MRPL44: variants seen among roughly 807,000 people sequenced by gnomAD.
MRPL44 encodes large ribosomal subunit protein mL44.
MRPL44 carries 21 observed loss-of-function variants against 25.9 expected under a neutral mutation model. The ratio of observed to expected loss-of-function variants is 0.81; its 90% CI spans 0.58 to 1.17. MRPL44 has a LOEUF of 1.17. Among genes scored for constraint, MRPL44 ranks in the 50% most tolerant of loss-of-function variants. MRPL44 has a pLI of 0.00. For missense variants in MRPL44, 410 were observed against 398.9 expected (o/e 1.03, Z -0.24); for synonymous variants, 169 against 151.0 (o/e 1.12, Z -0.87).
In MRPL44 at chr2:223,963,759, T is replaced by C. The variant is rs1689700822; in HGVS notation, c.652T>C (p.Phe218Leu). The change falls in exon 3 of 4, where the codon TTC (phenylalanine) becomes CTC (leucine). Residue 218 changes from phenylalanine (F) to leucine (L), a missense_variant. Phe to Leu is a conservative substitution (Grantham distance 22). Transcript: ENST00000258383. The part of the protein sequence containing the change: ...PERTALFIRD[F>L]LITQMTGKEL... ...TAAATTATATTTTTATATGCAGGACTTCTTAATTACTCAAATGACTGGAAA... is the reference window on the plus strand; with the variant it reads ...TAAATTATATTTTTATATGCAGGACCTCTTAATTACTCAAATGACTGGAAA... 1 of 1,582,330 alleles carries C rather than the reference T, an allele frequency of 6.3e-7. No individual in the cohort carries two copies. The highest frequency in any genetic ancestry group is 8.6e-7 in the Non-Finnish European group (1 of 1,165,898).
In MRPL44 at chr2:223,959,655, G is replaced by A. The variant is rs746155049; in HGVS notation, c.301G>A (p.Glu101Lys). Residue 101 changes from glutamate (E) to lysine (K), a missense_variant, in exon 2 of 4, where the codon GAG becomes AAG. Physicochemically the swap from Glu to Lys is moderately conservative, Grantham distance 56. Coordinates refer to ENST00000258383, the MANE Select transcript of MRPL44 (RefSeq NM_022915.5). ...TGTTAATAGCTGCTATATTAAAAGT[G>A]AGGAGGCCAAACGCCAACAACTTGG... ...AFVNSCYIKS[E>K]EAKRQQLGIE... The A allele has an allele frequency of 1.2e-6, 2 of 1,614,216 alleles. No individual in the cohort carries two copies. Among genetic ancestry groups the A allele is most frequent in the South Asian group, 2.2e-5 (2 of 91,084 alleles).
In MRPL44 at chr2:223,959,708, T is replaced by C. The variant is rs1574794048; in HGVS notation, c.354T>C (p.Asn118=). The change falls in exon 2 of 4, where the codon AAT becomes AAC. Residue 118 remains asparagine, a synonymous_variant. Transcript: ENST00000258383. ...TAGAGAAAGAAGCTGTTCTTCTGAA[T>C]CTTAAAAGTAATCAAGAACTATCCG... ...LGIEKEAVLL[N]LKSNQELSEQ... The C allele has an allele frequency of 6.2e-7, 1 of 1,614,252 alleles. No individual in the cohort carries two copies. The highest frequency in any genetic ancestry group is 8.5e-7 in the Non-Finnish European group (1 of 1,180,044).
intron 2 of MRPL44, among the ~76,000 whole-genome samples, chr2:223,963,420 A>G (rs979548314): frequency 1.6e-4 from 25 of 151,860 alleles, no homozygotes; most frequent in Admixed American, 6.6e-5. Context: ...CCTCTAGCCT[A>G]GGCAATAGAG....
intron 2 of MRPL44, among the ~76,000 whole-genome samples, chr2:223,962,209 G>T (rs759304290): frequency 1.3e-5 from 2 of 152,070 alleles, no homozygotes; most frequent in Non-Finnish European, 2.9e-5. Flanking sequence ...AATTTTTTCT[G>T]TAGAGCCGTG....
Position 223,967,026 on chromosome 2 carries a change from G to A in MRPL44, c.991G>A (p.Ala331Thr), listed in dbSNP as rs1689752639. Reference protein sequence around the residue: ...ETLRAEKSITAS With the variant: ...ETLRAEKSITTS ...CTTGAGAGCAGAAAAGAGCATCACT[G>A]CCAGCTAGCCGCCATGGATGCAGCA... Residue 331 changes from alanine (A) to threonine (T), a missense_variant, in exon 4 of 4, where the codon GCC (alanine) becomes ACC (threonine). Transcript: ENST00000258383. 1.9e-6 allele frequency: 3 copies of A among 1,608,466 alleles called. No individual in the cohort carries two copies. Among genetic ancestry groups the A allele is most frequent in the Non-Finnish European group, 1.7e-6 (2 of 1,177,132 alleles).
chr2:223,963,222 T>C (rs1037132352), intron 2 of MRPL44, among the ~76,000 whole-genome samples: 1 of 152,024 alleles, frequency 6.6e-6, no homozygotes, highest in African/African-American at 2.4e-5. Context: ...GGCAGGAGGA[T>C]CCTTTGAGGC....
intron 2 of MRPL44, among the ~76,000 whole-genome samples, chr2:223,960,948 A>G (rs1470509920): frequency 6.6e-6 from 1 of 152,228 alleles, no homozygotes; most frequent in African/African-American, 2.4e-5. Flanking sequence ...TTCCAAGTAA[A>G]GATCTTATGA....
intron 1 of MRPL44, 95 bp from the exon 2 acceptor site, chr2:223,959,439 T>C (rs1170568242): frequency 1.1e-6 from 1 of 949,956 alleles, no homozygotes; most frequent in Non-Finnish European, 1.6e-6. Context: ...TCATTTCCTT[T>C]ATATAATTAA....
intron 3 of MRPL44, among the ~76,000 whole-genome samples, chr2:223,964,259 G>A (rs1438833): frequency 0.021 from 3,253 of 152,184 alleles, 101 homozygotes; most frequent in African/African-American, 0.073. Flanking sequence ...TGACTTGTTC[G>A]TGTTAGAGAT....
chr2:223,963,617 G>A (rs1020742843), intron 2 of MRPL44, 139 bp from the exon 3 acceptor site: 8 of 487,604 alleles, frequency 1.6e-5, no homozygotes, highest in Middle Eastern at 5.4e-4. Flanking sequence ...TTTGTCTTTC[G>A]TTTCCCATTA....
rs528041858 is a variant in MRPL44, at chr2:223,958,066, A to G, written c.179+415A>G. 2.0e-5 allele frequency among the ~76,000 whole-genome samples: 3 copies of G among 152,324 alleles called. No individual in the cohort carries two copies. In the South Asian group the frequency reaches 6.2e-4, roughly 32 times the overall value. Reference sequence around the variant, plus strand: ...ACCTGAATTCTGCTGTCTAGAGTAAAAGGAAAAAAAGTTAGCTTTAGATTT... The same window carrying G: ...ACCTGAATTCTGCTGTCTAGAGTAAGAGGAAAAAAAGTTAGCTTTAGATTT... On this transcript the variant is annotated intron_variant, in intron 1 of 3. Transcript: ENST00000258383.
chr2:223,961,037 C>G (rs1689651807), intron 2 of MRPL44, among the ~76,000 whole-genome samples: 1 of 152,148 alleles, frequency 6.6e-6, no homozygotes, highest in Admixed American at 6.6e-5. Context: ...TTGTATTGTC[C>G]TGTTTCATTT....
intron 2 of MRPL44, among the ~76,000 whole-genome samples, chr2:223,962,097 A>G (rs958977959): frequency 5.3e-5 from 8 of 152,298 alleles, no homozygotes; most frequent in Middle Eastern, 3.4e-3. Context: ...CAGTGGCACA[A>G]TCACAGCTCA....
chr2:223,959,870 C>T lies in MRPL44; in HGVS notation c.516C>T (p.Asn172=), dbSNP rs756422363. The T allele has an allele frequency of 2.0e-5, 33 of 1,614,048 alleles. No homozygotes were observed. The highest frequency in any genetic ancestry group is 2.5e-5 in the Non-Finnish European group (30 of 1,180,036). The change falls in exon 2 of 4, where the codon AAC becomes AAT. Residue 172 remains asparagine, a synonymous_variant. Transcript: ENST00000258383. ...AAGTCGTGTGTCACGTGGCTAGAAACTTGGCTGTGGAGCAGTTAACACTGA... is the reference window on the plus strand; with the variant it reads ...AAGTCGTGTGTCACGTGGCTAGAAATTTGGCTGTGGAGCAGTTAACACTGA... The part of the protein sequence containing the change: ...GEEVVCHVAR[N]LAVEQLTLSE...
chr2:223,961,232 G>T (rs1042998429), intron 2 of MRPL44, among the ~76,000 whole-genome samples: 7 of 152,246 alleles, frequency 4.6e-5, no homozygotes, highest in Non-Finnish European at 1.0e-4. Flanking sequence ...GCCAACTTTA[G>T]TAAGGCTAGA....
intron 1 of MRPL44, 128 bp downstream of exon 1, chr2:223,957,779 C>A: frequency 8.9e-7 from 1 of 1,122,518 alleles, no homozygotes; most frequent in Non-Finnish European, 1.2e-6. Flanking sequence ...TGGAGACACC[C>A]GTGAGCTGTG....
chr2:223,964,400 GA>G (rs1200221120), intron 3 of MRPL44, among the ~76,000 whole-genome samples: 1 of 152,172 alleles, frequency 6.6e-6, no homozygotes, highest in Non-Finnish European at 1.5e-5. Context: ...GTAAAAAGTT[GA>G]CTTGCCCCAA....
chr2:223,954,398 G>A (rs2106113678), upstream of MRPL44, among the ~76,000 whole-genome samples: 1 of 152,296 alleles, frequency 6.6e-6, no homozygotes, highest in Non-Finnish European at 1.5e-5. Context: ...GTGGCATAAA[G>A]CAACAAACGT....
intron 2 of MRPL44, among the ~76,000 whole-genome samples, chr2:223,962,789 C>A (rs1689683995): frequency 6.6e-6 from 1 of 152,188 alleles, no homozygotes; most frequent in South Asian, 2.1e-4. Flanking sequence ...GCAACCTCCA[C>A]CTCCCAGGTT....
Sources: gnomAD v4.1 joint callset for allele counts (sites outside exome capture counted in the v4.1 genomes callset) on GRCh38, gnomAD v4.1.1 for gene constraint, MANE v1.5 for transcripts, NCBI Gene and HGNC (gene_info 2026-07-23, HGNC 2026-07-21) for gene names.